The following CNTNAP5 variants were observed in gnomAD, a reference collection of about 807,000 sequenced individuals.
CNTNAP5 encodes the protein contactin associated protein family member 5, also known as contactin-associated protein-like 5.
CNTNAP5 carries 72 observed loss-of-function variants against 150.2 expected under a neutral mutation model. The observed-to-expected ratio is 0.48, with a 90% confidence interval of 0.40 to 0.58. CNTNAP5 has a LOEUF of 0.58. Among genes scored for constraint, CNTNAP5 ranks in the 20% least tolerant of loss-of-function variants. The probability of loss-of-function intolerance (pLI) is 0.00; values close to 1 mark genes in which losing one functional copy is unlikely to be tolerated. For missense variants in CNTNAP5, 1,636 were observed against 1,626.2 expected (o/e 1.01, Z -0.10); for synonymous variants, 672 against 619.8 (o/e 1.08, Z -1.25).
intron 6 of CNTNAP5, among the ~76,000 whole-genome samples, chr2:124,456,668 A>G (rs960001734): frequency 3.3e-5 from 5 of 152,190 alleles, no homozygotes; most frequent in African/African-American, 4.8e-5. Context: ...TTCAAACTAT[A>G]CTATAAGGCC....
At chr2:124,238,019 T>C (rs911268480) in intron 2 of CNTNAP5, among the ~76,000 whole-genome samples, 10 of 152,116 alleles carry the variant, frequency 6.6e-5, no homozygotes, top group Non-Finnish European at 1.3e-4. Context: ...GCCTGGCCCA[T>C]TGAGGCTGCT....
intron 3 of CNTNAP5, among the ~76,000 whole-genome samples, chr2:124,350,410 T>A (rs2104701588): frequency 6.6e-6 from 1 of 151,996 alleles, no homozygotes; most frequent in South Asian, 2.1e-4. Context: ...CATATGTATA[T>A]AAATTTAAAG....
intron 6 of CNTNAP5, among the ~76,000 whole-genome samples, chr2:124,472,835 C>T (rs1429723014): frequency 6.6e-6 from 1 of 151,714 alleles, no homozygotes; most frequent in Non-Finnish European, 1.5e-5. Context: ...ACAAAGTGAG[C>T]ACCCACTGTT....
At chr2:124,073,240 C>T (rs1682357098) in intron 1 of CNTNAP5, among the ~76,000 whole-genome samples, 1 of 151,944 alleles carries the variant, frequency 6.6e-6, no homozygotes, top group Non-Finnish European at 1.5e-5. Context: ...ACTTAAAGAC[C>T]TCATACTATG....
At chr2:124,767,291 A>G in intron 16 of CNTNAP5, among the ~76,000 whole-genome samples, 1 of 152,186 alleles carries the variant, frequency 6.6e-6, no homozygotes, top group African/African-American at 2.4e-5. Flanking sequence ...TGAAATTTTC[A>G]GTCCATTTCC....
intron 19 of CNTNAP5, among the ~76,000 whole-genome samples, chr2:124,814,610 G>A (rs1020320566): frequency 6.6e-6 from 1 of 151,534 alleles, no homozygotes; most frequent in African/African-American, 2.4e-5. Flanking sequence ...TTTTTTACAA[G>A]CATATACTAA....
chr2:124,279,182 A>G (rs1687956410), intron 3 of CNTNAP5, among the ~76,000 whole-genome samples: 1 of 152,010 alleles, frequency 6.6e-6, no homozygotes, highest in South Asian at 2.1e-4. Context: ...TTTGGAGGAC[A>G]AAGTCTGTGA....
In CNTNAP5 at chr2:124,504,417, T is replaced by G; in HGVS notation, c.1188T>G (p.Phe396Leu). The change falls in exon 8 of 24, where the codon TTT (phenylalanine) becomes TTG (leucine). Residue 396 changes from phenylalanine to leucine, a missense_variant. Phe to Leu is a conservative substitution (Grantham distance 22). Transcript: ENST00000682447. ...QIDGLSVSFQ[F>L]RTWNKDGLLL... ...ATGGGCTCTCAGTGAGTTTCCAGTTTCGAACATGGAACAAGGATGGTCTGC... is the reference window on the plus strand; with the variant it reads ...ATGGGCTCTCAGTGAGTTTCCAGTTGCGAACATGGAACAAGGATGGTCTGC... The G allele has an allele frequency of 1.9e-6, 3 of 1,613,944 alleles. No individual in the cohort carries two copies. Among genetic ancestry groups the G allele is most frequent in the Non-Finnish European group, 2.5e-6 (3 of 1,179,860 alleles).
chr2:124,839,602 G>T (rs1682901456), intron 19 of CNTNAP5, among the ~76,000 whole-genome samples: 1 of 152,028 alleles, frequency 6.6e-6, no homozygotes, highest in Admixed American at 6.6e-5. Flanking sequence ...TTCATTGAGA[G>T]CTGCAGTTTT....
intron 17 of CNTNAP5, among the ~76,000 whole-genome samples, chr2:124,786,572 GAAAGAAAGAAA>G (rs1249931389): frequency 6.6e-6 from 1 of 151,426 alleles, no homozygotes; most frequent in East Asian, 2.0e-4. Context: ...AAGACAGAGA[GAAAGAAAGAAA>G]AAAGAAAGAG....
intron 1 of CNTNAP5, among the ~76,000 whole-genome samples, chr2:124,122,381 T>G (rs1393532088): frequency 6.6e-6 from 1 of 152,230 alleles, no homozygotes; most frequent in Non-Finnish European, 1.5e-5. Flanking sequence ...TGAATGATTC[T>G]GGTAAAATTG....
chr2:124,300,061 A>G (rs995979783), intron 3 of CNTNAP5, among the ~76,000 whole-genome samples: 4 of 152,192 alleles, frequency 2.6e-5, no homozygotes, highest in African/African-American at 9.6e-5. Flanking sequence ...TTCTCACACT[A>G]TTACAAATCA....
chr2:124,724,530 C>G (rs573456979), intron 13 of CNTNAP5, among the ~76,000 whole-genome samples: 1 of 152,232 alleles, frequency 6.6e-6, no homozygotes, highest in South Asian at 2.1e-4. Context: ...TTTCTGATAG[C>G]CTATGCTCAA....
At chr2:124,899,240 T>C (rs1174528377) in intron 21 of CNTNAP5, among the ~76,000 whole-genome samples, 3 of 151,568 alleles carry the variant, frequency 2.0e-5, no homozygotes, top group African/African-American at 7.3e-5. Flanking sequence ...TTGTATTTAT[T>C]TCTGACATAA....
rs1196777274 is a variant in CNTNAP5 at position 124,271,690 on chromosome 2, T to TATC, written c.381+29298_381+29300dup. On this transcript the variant is annotated intron_variant, in intron 3 of 23. Coordinates refer to ENST00000682447, the MANE Select transcript of CNTNAP5 (RefSeq NM_001367498.1). ...CTATCTATCTATCTATCTATCTATC[T>TATC]ATCTATCTATCATCTATCTATCTAT... Among the ~76,000 whole-genome samples the TATC allele has an allele frequency of 5.4e-3, 634 of 117,180 alleles. 4 individuals are homozygous for TATC. The highest frequency in any genetic ancestry group is 0.018 in the African/African-American group (556 of 31,092). The allele number at this position is 117,180 out of a possible 152,430, so 76.9% of individuals were successfully genotyped here.
At chr2:124,327,185 T>A (rs1041517642) in intron 3 of CNTNAP5, among the ~76,000 whole-genome samples, 7 of 151,890 alleles carry the variant, frequency 4.6e-5, no homozygotes, top group African/African-American at 1.7e-4. Flanking sequence ...TTTCACTGTG[T>A]TAGCCAGGAT....
At chr2:124,205,681 C>T (rs1041854590) in intron 1 of CNTNAP5, among the ~76,000 whole-genome samples, 29 of 152,278 alleles carry the variant, frequency 1.9e-4, no homozygotes, top group African/African-American at 7.0e-4. Flanking sequence ...GGATTATAGG[C>T]GTAAGCCACC....
intron 3 of CNTNAP5, among the ~76,000 whole-genome samples, chr2:124,313,210 T>C (rs190025752): frequency 9.5e-4 from 144 of 152,358 alleles, no homozygotes; most frequent in Middle Eastern, 3.4e-3. Flanking sequence ...ATGAGGTAAC[T>C]ACTCTCGATT....
At chr2:124,897,462 G>A (rs1678329138) in intron 21 of CNTNAP5, among the ~76,000 whole-genome samples, 1 of 151,512 alleles carries the variant, frequency 6.6e-6, no homozygotes, top group Non-Finnish European at 1.5e-5. Context: ...ATAATTAGAT[G>A]TATGTTTTGC....
Sources: allele counts gnomAD v4.1 joint callset (sites outside exome capture counted in the v4.1 genomes callset), GRCh38; gene constraint gnomAD v4.1.1; transcripts MANE v1.5; gene names NCBI Gene and HGNC (gene_info 2026-07-23, HGNC 2026-07-21).